The following IGSF11 variants were observed in gnomAD, a reference collection of about 807,000 sequenced individuals.
IGSF11 encodes the protein immunoglobulin superfamily member 11.
In IGSF11, 22 loss-of-function variants were observed where a neutral mutation model predicts 41.0. The ratio of observed to expected loss-of-function variants is 0.54; its 90% confidence interval spans 0.38 to 0.77. The LOEUF (loss-of-function observed/expected upper bound fraction) is 0.77, where lower values mean the gene tolerates loss of function less well. IGSF11 is among the 30% of genes least tolerant of loss of function. The pLI is 0.00. For missense variants in IGSF11, 444 were observed against 530.8 expected (o/e 0.84, Z 1.61); for synonymous variants, 219 against 201.3 (o/e 1.09, Z -0.74).
At chr3:119,028,957 C>G (rs1335608084) in intron 1 of IGSF11, among the ~76,000 whole-genome samples, 2 of 151,898 alleles carry the variant, frequency 1.3e-5, no homozygotes, top group African/African-American at 2.4e-5. Context: ...TCAGGGGAGG[C>G]TGAGTGAAGG....
At chr3:118,983,286 A>G (rs993367168) in intron 1 of IGSF11, 2 of 152,218 alleles carry the variant, frequency 1.3e-5, no homozygotes, top group African/African-American at 4.8e-5. Flanking sequence ...CAGTTTACAA[A>G]TAAGGAAACT....
intron 1 of IGSF11, among the ~76,000 whole-genome samples, chr3:119,073,392 G>T (rs376502534): frequency 6.6e-6 from 1 of 152,206 alleles, no homozygotes; most frequent in African/African-American, 2.4e-5. Flanking sequence ...CCTGGGCCGC[G>T]CATCTGCACT....
chr3:118,972,651 C>T lies in IGSF11; in HGVS notation c.53-42376G>A, dbSNP rs142324319. ...GTACAGGGCTGGACAGATAGATCCT[C>T]GTTATTCGGGGCAGACACCATTACT... On this transcript the variant is annotated intron_variant, in intron 1 of 6. Transcript: ENST00000393775. Among the ~76,000 whole-genome samples, 719 of 152,234 alleles carry T rather than the reference C, an allele frequency of 4.7e-3. 2 individuals are homozygous for T. Among genetic ancestry groups the T allele is most frequent in the Middle Eastern group, 0.027 (8 of 294 alleles).
At chr3:119,084,552 C>T (rs1369576) in intron 1 of IGSF11, among the ~76,000 whole-genome samples, 8,208 of 152,188 alleles carry the variant, frequency 0.054, 349 homozygotes, top group Admixed American at 0.15. Flanking sequence ...CTGCAGGCTG[C>T]CCATCTCCCT....
chr3:119,055,830 C>T (rs1429261784), intron 1 of IGSF11, among the ~76,000 whole-genome samples: 2 of 152,164 alleles, frequency 1.3e-5, no homozygotes, highest in African/African-American at 4.8e-5. Context: ...CTCAAAACAG[C>T]TCAACTACAT....
At chr3:119,054,311 T>A (rs1163196060) in intron 1 of IGSF11, among the ~76,000 whole-genome samples, 1 of 151,952 alleles carries the variant, frequency 6.6e-6, no homozygotes, top group Non-Finnish European at 1.5e-5. Flanking sequence ...ATCTAGAATC[T>A]ACAAGGAATT....
intron 1 of IGSF11, among the ~76,000 whole-genome samples, chr3:118,981,393 C>T (rs1934698749): frequency 6.6e-6 from 1 of 152,074 alleles, no homozygotes; most frequent in African/African-American, 2.4e-5. Context: ...AAACTCCTGA[C>T]CTCAAGTGAT....
chr3:119,089,060 G>A (rs1044369717), intron 1 of IGSF11, among the ~76,000 whole-genome samples: 5 of 152,098 alleles, frequency 3.3e-5, no homozygotes, highest in African/African-American at 1.2e-4. Context: ...AGGAGTAGGA[G>A]CTCTCCTGAC....
chr3:119,078,127 T>C (rs2076530694), intron 1 of IGSF11, among the ~76,000 whole-genome samples: 1 of 152,106 alleles, frequency 6.6e-6, no homozygotes, highest in Admixed American at 6.5e-5. Flanking sequence ...ACTATTCCTA[T>C]CAAACTAAGG....
At chr3:119,132,543 C>T (rs759289457) in intron 1 of IGSF11, among the ~76,000 whole-genome samples, 1 of 152,030 alleles carries the variant, frequency 6.6e-6, no homozygotes, top group Non-Finnish European at 1.5e-5. Context: ...TAGATATGCA[C>T]CCAATATGGG....
intron 1 of IGSF11, among the ~76,000 whole-genome samples, chr3:119,121,464 G>C (rs979644360): frequency 6.6e-6 from 1 of 152,052 alleles, no homozygotes; most frequent in Admixed American, 6.6e-5. Flanking sequence ...ATTAGAGCAG[G>C]CAGAAGAATT....
intron 1 of IGSF11, among the ~76,000 whole-genome samples, chr3:119,015,389 A>G (rs1475587382): frequency 6.6e-6 from 1 of 152,228 alleles, no homozygotes; most frequent in Non-Finnish European, 1.5e-5. Context: ...CCAACCCACT[A>G]CAACCCTGTC....
At chr3:118,974,701 T>A (rs1480815796) in intron 1 of IGSF11, among the ~76,000 whole-genome samples, 2 of 152,192 alleles carry the variant, frequency 1.3e-5, no homozygotes, top group Non-Finnish European at 2.9e-5. Context: ...TTCTCCTTCC[T>A]CCTTTTCTCC....
rs909218887 is a variant in IGSF11, at chr3:118,904,573, T to A, written c.854+75A>T. On this transcript the variant is annotated intron_variant, in intron 6 of 6. Transcript: ENST00000393775. ...ATCAGAGTTTTATGATTAGTAGATA[T>A]ATCTTAACTGACACAAATGAATAGA... 1.4e-5 allele frequency: 15 copies of A among 1,072,220 alleles called. No homozygotes were observed. In the African/African-American group the frequency reaches 2.4e-4, roughly 17 times the overall value. 66.4% of individuals were successfully genotyped at this position (1,072,220 alleles called of 1,614,324 possible).
intron 1 of IGSF11, among the ~76,000 whole-genome samples, chr3:119,029,209 C>CACACACACACACACAT (rs1940132750): frequency 7.1e-6 from 1 of 141,818 alleles, no homozygotes; most frequent in African/African-American, 2.6e-5. Flanking sequence ...CACACACACA[C>CACACACACACACACAT]GGTAGACATG....
chr3:119,071,636 T>C (rs1265874462), intron 1 of IGSF11, among the ~76,000 whole-genome samples: 2 of 152,066 alleles, frequency 1.3e-5, no homozygotes, highest in African/African-American at 4.8e-5. Flanking sequence ...TGACCATATA[T>C]ATGAGCATAT....
At chr3:118,999,321 G>A (rs1030854925) in intron 1 of IGSF11, among the ~76,000 whole-genome samples, 5 of 151,986 alleles carry the variant, frequency 3.3e-5, no homozygotes, top group Admixed American at 2.6e-4. Context: ...GAATACTTTC[G>A]AAAACATATT....
chr3:119,089,459 C>G (rs369974077), intron 1 of IGSF11, among the ~76,000 whole-genome samples: 2 of 152,116 alleles, frequency 1.3e-5, no homozygotes, highest in South Asian at 2.1e-4. Flanking sequence ...ATGACAAACC[C>G]ACAGCCAACA....
intron 1 of IGSF11, among the ~76,000 whole-genome samples, chr3:118,938,434 G>A (rs1943440932): frequency 6.6e-6 from 1 of 152,094 alleles, no homozygotes; most frequent in South Asian, 2.1e-4. Context: ...ACTCCATCAT[G>A]TTACCTGTCT....
Sources: allele counts gnomAD v4.1 joint callset (sites outside exome capture counted in the v4.1 genomes callset), GRCh38; gene constraint gnomAD v4.1.1; transcripts MANE v1.5; gene names NCBI Gene and HGNC (gene_info 2026-07-23, HGNC 2026-07-21).